Variants in TTC4 observed in about 807,000 individuals in gnomAD.
TTC4 encodes hsp70/Hsp90 co-chaperone CNS1 homolog.
TTC4 carries 36 observed loss-of-function variants against 51.9 expected under a neutral mutation model. The ratio of observed to expected loss-of-function variants is 0.69; its 90% CI spans 0.53 to 0.92. TTC4 has a LOEUF of 0.92. TTC4 is among the 40% of genes least tolerant of loss of function. The probability of loss-of-function intolerance (pLI) is 0.00; values close to 1 mark genes in which losing one functional copy is unlikely to be tolerated. For synonymous variants in TTC4, 144 were observed against 164.2 expected, an observed-to-expected ratio of 0.88 and a Z score of 0.94; for missense variants, 399 against 454.6, an observed-to-expected ratio of 0.88 and a Z score of 1.11.
intron 5 of TTC4, among the ~76,000 whole-genome samples, chr1:54,726,901 C>A (rs1645806072): frequency 6.6e-6 from 1 of 152,088 alleles, no homozygotes; most frequent in Non-Finnish European, 1.5e-5. Context: ...GTCTCCCAAG[C>A]AACTGGGACT....
intron 5 of TTC4, among the ~76,000 whole-genome samples, chr1:54,725,431 TG>T (rs776130789): frequency 2.0e-5 from 3 of 152,212 alleles, no homozygotes; most frequent in Non-Finnish European, 4.4e-5. Flanking sequence ...AAGATCTAGA[TG>T]GTCACACATG....
At position 54,728,412 on chromosome 1, in the gene TTC4, G is replaced by C. The variant is rs1239988891; in HGVS notation, c.661G>C (p.Ala221Pro). The C allele has an allele frequency of 6.2e-7, 1 of 1,612,810 alleles. No homozygotes were observed. Residue 221 changes from alanine to proline, a missense_variant, in exon 6 of 10, where the codon GCT becomes CCT. Ala to Pro is a conservative substitution (Grantham distance 27, BLOSUM62 -1). Transcript: ENST00000371281. Reference protein sequence around the residue: ...KEKKERNQNEALLQAIKARNI... With the variant: ...KEKKERNQNEPLLQAIKARNI... Reference sequence around the variant, plus strand: ...AAAGAAGGAGAGGAATCAGAATGAGGCTTTACTCCAGGCCATCAAGGTGAG... The same window carrying C: ...AAAGAAGGAGAGGAATCAGAATGAGCCTTTACTCCAGGCCATCAAGGTGAG...
chr1:54,722,530 C>A, intron 4 of TTC4, 145 bp from the exon 5 acceptor site: 2 of 1,153,036 alleles, frequency 1.7e-6, no homozygotes, highest in Non-Finnish European at 2.4e-6. Flanking sequence ...TCTCCCTTGT[C>A]TGGGGACTGC....
Position 54,716,021 on chromosome 1 carries a change from T to C in TTC4, c.111+2T>C, listed in dbSNP as rs1570024941. 1 of 1,572,270 alleles carries C rather than the reference T, an allele frequency of 6.4e-7. No individual in the cohort carries two copies. The highest frequency in any genetic ancestry group is 2.4e-5 in the East Asian group (1 of 41,996). On this transcript the variant is annotated splice_donor_variant, in intron 1 of 9. Transcript: ENST00000371281. LOFTEE classifies it high-confidence loss of function. ...TTTCATGAGGACCAGTGGGAGAAGG[T>C]GGGCGGTCCTGGGGTCTCCCCACGT...
At chr1:54,738,661 C>CTT (rs567268643) in intron 9 of TTC4, among the ~76,000 whole-genome samples, 25 of 138,828 alleles carry the variant, frequency 1.8e-4, no homozygotes, top group Non-Finnish European at 2.0e-4. Flanking sequence ...CTAGGATGGC[C>CTT]TTTTTTTTTT....
chr1:54,721,531 G>C (rs745947819), intron 4 of TTC4, among the ~76,000 whole-genome samples: 10 of 152,132 alleles, frequency 6.6e-5, no homozygotes. Flanking sequence ...CTGATTGAAA[G>C]GCAAGGTCTT....
intron 4 of TTC4, among the ~76,000 whole-genome samples, chr1:54,721,666 T>G (rs1471343602): frequency 6.6e-6 from 1 of 152,210 alleles, no homozygotes; most frequent in Non-Finnish European, 1.5e-5. Context: ...TAACAGTGCT[T>G]TTATTACTTT....
At chr1:54,736,175 G>GGA (rs11292044) in intron 8 of TTC4, among the ~76,000 whole-genome samples, 3,231 of 100,502 alleles carry the variant, frequency 0.032, 74 homozygotes, top group Middle Eastern at 0.056. Flanking sequence ...AAGAAAGAAA[G>GGA]GAGAGAGAGA....
chr1:54,718,152 A>C (rs973322119), intron 3 of TTC4, among the ~76,000 whole-genome samples: 2 of 152,082 alleles, frequency 1.3e-5, no homozygotes, highest in African/African-American at 4.8e-5. Context: ...AGGCTGAGAC[A>C]GGAGGATCGC....
At chr1:54,732,320 C>CAAA (rs1180940323) in intron 7 of TTC4, among the ~76,000 whole-genome samples, 1 of 16,890 alleles carries the variant, frequency 5.9e-5, no homozygotes, top group Non-Finnish European at 1.0e-4. Flanking sequence ...GACTCTGTCT[C>CAAA]AAAAAAAAAA....
chr1:54,729,141 C>T (rs768782192), intron 6 of TTC4, among the ~76,000 whole-genome samples: 1 of 152,144 alleles, frequency 6.6e-6, no homozygotes, highest in Admixed American at 6.5e-5. Flanking sequence ...GAGATGGGTG[C>T]TAACTCACAG....
chr1:54,720,402 C>T (rs942161618), intron 3 of TTC4, among the ~76,000 whole-genome samples: 1 of 147,478 alleles, frequency 6.8e-6, no homozygotes, highest in African/African-American at 2.5e-5. Flanking sequence ...TCATGGCTTG[C>T]TAGTTTGGAT....
chr1:54,737,962 G>A (rs1355730061), intron 9 of TTC4, among the ~76,000 whole-genome samples: 2 of 152,106 alleles, frequency 1.3e-5, no homozygotes, highest in Non-Finnish European at 2.9e-5. Context: ...GTGCAATGGT[G>A]TGATCTCGGC....
chr1:54,728,515 C>G (rs4462191), intron 6 of TTC4, 83 bp downstream of exon 6: 30,712 of 1,321,504 alleles, frequency 0.023, 1,759 homozygotes, highest in African/African-American at 0.14. Flanking sequence ...TCTTGGGATG[C>G]TTTACCTGAA....
At position 54,731,523 on chromosome 1, in the gene TTC4, A is replaced by G. The variant is rs778096357; in HGVS notation, c.719A>G (p.Asp240Gly). 1 of 1,613,908 alleles carries G rather than the reference A, an allele frequency of 6.2e-7. No individual in the cohort carries two copies. The highest frequency in any genetic ancestry group is 8.5e-7 in the Non-Finnish European group (1 of 1,179,906). The change falls in exon 7 of 10, where the codon GAT becomes GGT. Residue 240 changes from aspartate (D) to glycine (G), a missense_variant. Asp to Gly is a moderately conservative substitution (Grantham distance 94). Coordinates refer to ENST00000371281, the MANE Select transcript of TTC4 (RefSeq NM_004623.5). ...NIRLSEAACEDEDSASEGLGE... is the reference protein window; with the variant it reads ...NIRLSEAACEGEDSASEGLGE... The stretch of plus-strand genomic sequence containing the variant: ...AGGCTCTCAGAAGCTGCCTGTGAGG[A>G]TGAAGATTCAGCCTCAGAAGGTCTA...
chr1:54,732,341 A>G (rs929966232), intron 7 of TTC4, among the ~76,000 whole-genome samples: 1 of 151,430 alleles, frequency 6.6e-6, no homozygotes, highest in Non-Finnish European at 1.5e-5. Context: ...AAAAATAAAA[A>G]AGAGATATAT....
chr1:54,739,298 C>T (rs555286655), intron 9 of TTC4, among the ~76,000 whole-genome samples: 1 of 152,252 alleles, frequency 6.6e-6, no homozygotes, highest in African/African-American at 2.4e-5. Context: ...AAGTGCATGC[C>T]AGTGACCCGG....
chr1:54,734,855 A>AAAAGGACATTT (rs1645916143), intron 8 of TTC4, among the ~76,000 whole-genome samples: 1 of 152,218 alleles, frequency 6.6e-6, no homozygotes, highest in Admixed American at 6.5e-5. Flanking sequence ...TTTCCTACAC[A>AAAAGGACATTT]AAAGGACATT....
intron 9 of TTC4, among the ~76,000 whole-genome samples, chr1:54,739,251 G>A (rs1039861608): frequency 8.6e-5 from 13 of 151,952 alleles, no homozygotes; most frequent in African/African-American, 3.1e-4. Flanking sequence ...GGTTCAAGCA[G>A]TCCTCCTGCC....
Sources: allele counts gnomAD v4.1 joint callset (sites outside exome capture counted in the v4.1 genomes callset), GRCh38; gene constraint gnomAD v4.1.1; transcripts MANE v1.5; gene names NCBI Gene and HGNC (gene_info 2026-07-23, HGNC 2026-07-21).